IL13RA1: variants seen among roughly 807,000 people sequenced by gnomAD.
IL13RA1 encodes the protein interleukin 13 receptor subunit alpha 1, also known as interleukin-13 receptor subunit alpha-1.
Under a neutral mutation model 33.8 loss-of-function variants are expected in IL13RA1, and 14 were observed. The observed-to-expected ratio is 0.41, with a 90% CI of 0.27 to 0.65. The LOEUF is 0.65. Ranked by LOEUF, IL13RA1 falls within the 30% of genes least tolerant of loss-of-function variation. IL13RA1 has a pLI of 0.28. For missense variants in IL13RA1, 313 were observed against 327.0 expected, an observed-to-expected ratio of 0.96 and a Z score of 0.33; for synonymous variants, 116 against 115.7, an observed-to-expected ratio of 1.00 and a Z score of -0.02.
intron 6 of IL13RA1, among the ~76,000 whole-genome samples, chrX:118,763,531 A>G (rs769285970): frequency 1.8e-5 from 2 of 112,605 alleles, no homozygotes; most frequent in African/African-American, 6.4e-5. Context: ...TCTTAATAGC[A>G]ATAGCTATCA....
At chrX:118,767,652 C>A (rs1292077187) in intron 8 of IL13RA1, among the ~76,000 whole-genome samples, 1 of 111,680 alleles carries the variant, frequency 9.0e-6, no homozygotes, top group Non-Finnish European at 1.9e-5. Context: ...TAATAGAAAC[C>A]TGTACCTAAG....
intron 10 of IL13RA1, among the ~76,000 whole-genome samples, chrX:118,783,597 C>T (rs1444030898): frequency 9.0e-6 from 1 of 111,143 alleles, no homozygotes; most frequent in Non-Finnish European, 1.9e-5. Context: ...TTAATGTATT[C>T]TGAGAAGCCC....
chrX:118,785,505 GT>G (rs1275733152), intron 10 of IL13RA1, among the ~76,000 whole-genome samples: 1 of 111,804 alleles, frequency 8.9e-6, no homozygotes, highest in Non-Finnish European at 1.9e-5. Context: ...GATATGTTGT[GT>G]TTATTTGCCC....
intron 4 of IL13RA1, among the ~76,000 whole-genome samples, chrX:118,753,966 A>G (rs1427795092): frequency 8.9e-6 from 1 of 112,631 alleles, no homozygotes; most frequent in Non-Finnish European, 1.9e-5. Context: ...ATCAAATTAA[A>G]ACTTCAGTTG....
Position 118,749,886 on chromosome X carries a change from T to C in IL13RA1, c.488+108T>C, listed in dbSNP as rs769748954. On this transcript the variant is annotated intron_variant, in intron 4 of 10. Transcript: ENST00000371666. The stretch of plus-strand genomic sequence containing the variant: ...GAACTGTTTAATTTTTTCTGCAAAC[T>C]CAACAAGATGGACAGTTTGCTTCAA... 8.0e-6 allele frequency: 4 copies of C among 501,730 alleles called. No individual in the cohort carries two copies. The African/African-American group carries it at 9.3e-5, about 12-fold the overall frequency. The allele number at this position is 501,730 out of a possible 1,213,427, so 41.3% of individuals were successfully genotyped here.
chrX:118,728,352 T>C (rs1055715544), intron 1 of IL13RA1, among the ~76,000 whole-genome samples: 3 of 112,436 alleles, frequency 2.7e-5, no homozygotes, highest in African/African-American at 9.7e-5. Context: ...AAATCCAGAA[T>C]AGCATCCCGG....
At chrX:118,788,441 C>T (rs989363221) in intron 10 of IL13RA1, among the ~76,000 whole-genome samples, 5 of 111,972 alleles carry the variant, frequency 4.5e-5, no homozygotes, top group Non-Finnish European at 9.4e-5. Context: ...TTTCATGGCA[C>T]ATGAAATTAA....
chrX:118,731,635 G>C (rs2017221574), intron 1 of IL13RA1, among the ~76,000 whole-genome samples: 1 of 110,396 alleles, frequency 9.1e-6, no homozygotes, highest in Non-Finnish European at 1.9e-5. Context: ...AAATAAAGCA[G>C]ATAGCTAACA....
rs1213302119 is a variant in IL13RA1, at chrX:118,793,281, T to C, written c.*1427T>C. On this transcript the variant is annotated 3_prime_UTR_variant, in exon 11 of 11. Transcript: ENST00000371666. ...CATGTGAGGGTTTTCAGCATTGATA[T>C]TTGTGCATTTTCTAAACAGAGATGA... 2.7e-5 allele frequency: 3 copies of C among 112,435 alleles called. No homozygotes were observed. Among genetic ancestry groups the C allele is most frequent in the Non-Finnish European group, 5.6e-5 (3 of 53,252 alleles). 9.3% of individuals were successfully genotyped at this position (112,435 alleles called of 1,213,427 possible).
chrX:118,772,561 CCTTT>C (rs1404538603), intron 8 of IL13RA1, among the ~76,000 whole-genome samples: 3 of 111,731 alleles, frequency 2.7e-5, no homozygotes, highest in African/African-American at 9.8e-5. Context: ...TTTAAAAAAA[CCTTT>C]CTTTCATGGC....
intron 1 of IL13RA1, among the ~76,000 whole-genome samples, chrX:118,733,116 A>G (rs956696089): frequency 2.7e-5 from 3 of 112,235 alleles, no homozygotes; most frequent in East Asian, 5.6e-4. Flanking sequence ...CTGGGTGTAG[A>G]ATATCTCTTT....
chrX:118,766,905 G>A lies in IL13RA1; in HGVS notation c.938G>A (p.Arg313Lys). 2.8e-6 allele frequency: 3 copies of A among 1,081,511 alleles called. No homozygotes were observed. Among genetic ancestry groups the A allele is most frequent in the Non-Finnish European group, 3.8e-6 (3 of 779,384 alleles). The allele number at this position is 1,081,511 out of a possible 1,213,427, so 89.1% of individuals were successfully genotyped here. ...GATACTTTGAACACAGTCAGAATAA[G>A]AGTCAAAACAAATAAGTTATGCTAT... is the stretch of plus-strand genomic sequence containing the variant. ...LPDTLNTVRIRVKTNKLCYED... is the reference protein window; with the variant it reads ...LPDTLNTVRIKVKTNKLCYED... Residue 313 changes from arginine to lysine, a missense_variant, in exon 8 of 11, where the codon AGA (arginine) becomes AAA (lysine). Coordinates refer to ENST00000371666, the MANE Select transcript of IL13RA1 (RefSeq NM_001560.3).
the IL13RA1 span, among the ~76,000 whole-genome samples, chrX:118,800,770 A>C: frequency 9.1e-6 from 1 of 110,372 alleles, no homozygotes; most frequent in African/African-American, 3.3e-5. Flanking sequence ...ATGCCCAGCT[A>C]AGTTTCATTC....
intron 2 of IL13RA1, among the ~76,000 whole-genome samples, chrX:118,742,582 A>G (rs1339511441): frequency 8.9e-6 from 1 of 112,196 alleles, no homozygotes; most frequent in Admixed American, 9.5e-5. Context: ...CTATTTCCTC[A>G]GAGTATGTGC....
rs192272255 is a variant in IL13RA1 at position 118,772,876 on chromosome X, C to T, written c.1010-1003C>T. The stretch of plus-strand genomic sequence containing the variant: ...GGACAATGTGCATGTCACTGACATC[C>T]GTCTCAGATCTTCTGGGACAACTAT... On this transcript the variant is annotated intron_variant, in intron 8 of 10. Coordinates refer to ENST00000371666, the MANE Select transcript of IL13RA1 (RefSeq NM_001560.3). Among the ~76,000 whole-genome samples, 49 of 112,328 alleles carry T rather than the reference C, an allele frequency of 4.4e-4. 1 individual carries two copies. Among genetic ancestry groups the T allele is most frequent in the Admixed American group, 2.5e-3 (26 of 10,602 alleles).
chrX:118,797,518 C>T (rs1569460951), downstream of IL13RA1, among the ~76,000 whole-genome samples: 1 of 112,186 alleles, frequency 8.9e-6, no homozygotes, highest in East Asian at 2.8e-4. Context: ...AAAAAAGCAG[C>T]CTCCTGTCCC....
intron 8 of IL13RA1, chrX:118,770,217 A>T (rs1157496707): frequency 3.4e-6 from 1 of 297,029 alleles, no homozygotes; most frequent in Non-Finnish European, 6.6e-6. Context: ...TGCACCATCC[A>T]GTCAATGAGT....
intron 1 of IL13RA1, among the ~76,000 whole-genome samples, chrX:118,729,144 G>C (rs1249405281): frequency 9.0e-6 from 1 of 110,926 alleles, no homozygotes. Flanking sequence ...GTCCAGAGAA[G>C]GGAAGGAACT....
chrX:118,740,209 G>T (rs1197314097), intron 1 of IL13RA1, among the ~76,000 whole-genome samples: 1 of 112,084 alleles, frequency 8.9e-6, no homozygotes, highest in African/African-American at 3.2e-5. Flanking sequence ...CAAGCCGCTT[G>T]GTCTCCCAAA....
Sources: gnomAD v4.1 joint callset for allele counts (sites outside exome capture counted in the v4.1 genomes callset) on GRCh38, gnomAD v4.1.1 for gene constraint, MANE v1.5 for transcripts, NCBI Gene and HGNC (gene_info 2026-07-23, HGNC 2026-07-21) for gene names.